Variants in TDRD5 observed in about 807,000 individuals in gnomAD.
TDRD5 encodes the protein tudor domain-containing protein 5.
TDRD5 carries 41 observed loss-of-function variants against 120.6 expected under a neutral mutation model. The observed-to-expected ratio is 0.34, with a 90% CI of 0.26 to 0.44. TDRD5 has a LOEUF of 0.44. TDRD5 is among the 20% of genes least tolerant of loss of function. The pLI is 1.00. For missense variants in TDRD5, 1,006 were observed against 1,221.2 expected, an observed-to-expected ratio of 0.82 and a Z score of 2.63; for synonymous variants, 430 against 433.7, an observed-to-expected ratio of 0.99 and a Z score of 0.11.
At chr1:179,650,730 C>T (rs1478215273) in intron 11 of TDRD5, 137 bp from the exon 12 acceptor site, 10 of 793,174 alleles carry the variant, frequency 1.3e-5, no homozygotes, top group Non-Finnish European at 2.0e-5. Flanking sequence ...TATATATCCT[C>T]CTATGTGTTA....
chr1:179,662,452 TGTG>T (rs975340552), intron 15 of TDRD5, among the ~76,000 whole-genome samples, 166 bp downstream of exon 15: 7 of 151,824 alleles, frequency 4.6e-5, no homozygotes, highest in African/African-American at 1.5e-4. Context: ...AATAGCCAGG[TGTG>T]GTGGTGTGCA....
chr1:179,642,152 G>A (rs1678086285), intron 11 of TDRD5, among the ~76,000 whole-genome samples: 1 of 150,614 alleles, frequency 6.6e-6, no homozygotes, highest in Admixed American at 6.6e-5. Flanking sequence ...CCAGGCTGGA[G>A]TGCAGTGGTG....
intron 17 of TDRD5, among the ~76,000 whole-genome samples, chr1:179,684,704 C>G (rs931088908): frequency 1.1e-4 from 17 of 152,206 alleles, no homozygotes; most frequent in Non-Finnish European, 7.3e-5. Flanking sequence ...TCCTCTCCAG[C>G]AGCTGCTGTT....
At chr1:179,677,826 G>A (rs1243967346) in intron 17 of TDRD5, among the ~76,000 whole-genome samples, 4 of 152,040 alleles carry the variant, frequency 2.6e-5, no homozygotes, top group Non-Finnish European at 4.4e-5. Flanking sequence ...CTTTGTGTTG[G>A]TTGACCTCCA....
intron 17 of TDRD5, among the ~76,000 whole-genome samples, chr1:179,688,807 A>C (rs1680915404): frequency 6.6e-6 from 1 of 152,172 alleles, no homozygotes; most frequent in African/African-American, 2.4e-5. Context: ...ATCTTCAGTC[A>C]CTGATACCCT....
At chr1:179,618,760 C>A in intron 5 of TDRD5, 78 bp downstream of exon 5, 2 of 1,059,586 alleles carry the variant, frequency 1.9e-6, no homozygotes, top group Non-Finnish European at 2.6e-6. Context: ...AGTTTGTCTG[C>A]AAGTATTAAT....
chr1:179,663,771 T>G (rs1679432273), intron 16 of TDRD5, among the ~76,000 whole-genome samples: 1 of 152,194 alleles, frequency 6.6e-6, no homozygotes, highest in Non-Finnish European at 1.5e-5. Context: ...ACATAATTAC[T>G]TATTGCTTCA....
intron 17 of TDRD5, among the ~76,000 whole-genome samples, chr1:179,685,212 G>A (rs976804307): frequency 1.3e-5 from 2 of 152,070 alleles, no homozygotes; most frequent in African/African-American, 2.4e-5. Flanking sequence ...TCTTGAATTA[G>A]TTTTTGTATA....
intron 4 of TDRD5, among the ~76,000 whole-genome samples, chr1:179,613,785 T>C (rs1403539271): frequency 6.6e-6 from 1 of 152,158 alleles, no homozygotes; most frequent in Non-Finnish European, 1.5e-5. Flanking sequence ...CCTTGGGGGT[T>C]AGGATTTCAA....
intron 16 of TDRD5, among the ~76,000 whole-genome samples, chr1:179,668,561 C>T (rs902239421): frequency 4.6e-5 from 7 of 152,110 alleles, no homozygotes; most frequent in Admixed American, 3.3e-4. Context: ...GCACTGTGCC[C>T]GACACGGGGT....
intron 17 of TDRD5, among the ~76,000 whole-genome samples, chr1:179,685,523 G>A (rs1240734544): frequency 4.6e-5 from 7 of 152,124 alleles, no homozygotes; most frequent in Admixed American, 2.0e-4. Flanking sequence ...TTGGCAATGC[G>A]GGCTCTGTTT....
chr1:179,631,056 G>C lies in TDRD5; in HGVS notation c.1126+136G>C, dbSNP rs532330648. ...TTCTGGTGGTATTTGTTGTAATAAGGTTAATCTGTATTGTTAATAAAAATA... is the reference window on the plus strand; with the variant it reads ...TTCTGGTGGTATTTGTTGTAATAAGCTTAATCTGTATTGTTAATAAAAATA... On this transcript the variant is annotated intron_variant, in intron 7 of 17. Transcript: ENST00000444136. 6.3e-6 allele frequency: 6 copies of C among 953,200 alleles called. No individual in the cohort carries two copies. In the East Asian group the frequency reaches 1.5e-4, roughly 25 times the overall value. 59.0% of individuals were successfully genotyped at this position (953,200 alleles called of 1,614,324 possible). A position where few individuals can be genotyped will look rare whatever the true frequency, so the allele number is the denominator to read the frequency against.
rs773094355 is a variant in TDRD5, at chr1:179,634,619, C to G, written c.1289C>G (p.Pro430Arg). ...AAGAAGCCTAATCTGGTGGTAAAGCCTTTACAGCTGGTGAGTGAGGTTTAA... is the reference window on the plus strand; with the variant it reads ...AAGAAGCCTAATCTGGTGGTAAAGCGTTTACAGCTGGTGAGTGAGGTTTAA... ...ICKKPNLVVK[P>R]LQLQVETNKS... is the part of the protein sequence containing the mutation. Residue 430 changes from proline to arginine, a missense_variant, in exon 8 of 18, where the codon CCT becomes CGT. Physicochemically the swap from Pro to Arg is moderately radical, Grantham distance 103. Around this residue, in one of 3 missense-constraint regions of TDRD5, gnomAD observed 445 missense variants for 515.5 expected, o/e 0.86. Coordinates refer to ENST00000444136, the MANE Select transcript of TDRD5 (RefSeq NM_001199085.3). The G allele has an allele frequency of 6.2e-6, 10 of 1,609,940 alleles. 1 individual carries two copies. The South Asian group carries it at 7.8e-5, about 13-fold the overall frequency.
At chr1:179,659,226 GGA>G (rs1310706039) in intron 14 of TDRD5, among the ~76,000 whole-genome samples, 1 of 152,100 alleles carries the variant, frequency 6.6e-6, no homozygotes, top group Non-Finnish European at 1.5e-5. Context: ...GTTGTTTGGT[GGA>G]GTTTCTATAA....
intron 14 of TDRD5, among the ~76,000 whole-genome samples, chr1:179,659,662 CT>C (rs1322632226): frequency 6.7e-6 from 1 of 150,124 alleles, no homozygotes; most frequent in Non-Finnish European, 1.5e-5. Flanking sequence ...AAGTAAGTTT[CT>C]TGAGACAGCA....
At chr1:179,644,939 C>A (rs1678258425) in intron 11 of TDRD5, among the ~76,000 whole-genome samples, 1 of 151,734 alleles carries the variant, frequency 6.6e-6, no homozygotes, top group Admixed American at 6.6e-5. Flanking sequence ...TTATTTCTAA[C>A]CTTTAGGTGG....
intron 17 of TDRD5, among the ~76,000 whole-genome samples, chr1:179,675,329 G>T (rs6680458): frequency 0.053 from 6,572 of 125,072 alleles, 224 homozygotes; most frequent in Middle Eastern, 0.076. Flanking sequence ...GCCCAAGCTG[G>T]ACTGCAGTGG....
At position 179,634,545 on chromosome 1, in the gene TDRD5, A is replaced by G. The variant is rs551128152; in HGVS notation, c.1215A>G (p.Val405=). The change falls in exon 8 of 18, where the codon GTA becomes GTG. Residue 405 remains valine (V), a synonymous_variant. Transcript: ENST00000444136. ...SLSTAAVKET[V]WNCPSKKQKE... is the part of the protein sequence containing the mutation. ...CTACTGCTGCTGTCAAAGAGACTGTATGGAATTGCCCTTCAAAAAAACAAA... is the reference window on the plus strand; with the variant it reads ...CTACTGCTGCTGTCAAAGAGACTGTGTGGAATTGCCCTTCAAAAAAACAAA... 21 of 1,614,058 alleles carry G rather than the reference A, an allele frequency of 1.3e-5. No individual in the cohort carries two copies. The African/African-American group carries it at 1.3e-4, about 10-fold the overall frequency.
At chr1:179,685,878 T>C (rs2147820326) in intron 17 of TDRD5, among the ~76,000 whole-genome samples, 1 of 152,338 alleles carries the variant, frequency 6.6e-6, no homozygotes, top group East Asian at 1.9e-4. Context: ...CTTGTGATTT[T>C]TGCACATTGA....
Sources: allele counts gnomAD v4.1 joint callset (sites outside exome capture counted in the v4.1 genomes callset), GRCh38; gene constraint gnomAD v4.1.1; regional missense constraint gnomAD v4.1.1; transcripts MANE v1.5; gene names NCBI Gene and HGNC (gene_info 2026-07-23, HGNC 2026-07-21).